The following SULT1C4 variants were observed in gnomAD, a reference collection of about 807,000 sequenced individuals.
SULT1C4 encodes sulfotransferase family 1C member 4.
A neutral mutation model predicts 34.8 loss-of-function variants in SULT1C4; 32 were observed. That is an observed-to-expected ratio of 0.92 (90% CI 0.69 to 1.23). SULT1C4 has a LOEUF of 1.23. SULT1C4 is among the 50% of genes most tolerant of loss of function. The pLI is 0.00. For missense variants in SULT1C4, 375 were observed against 365.9 expected (o/e 1.02, Z -0.20); for synonymous variants, 111 against 120.5 (o/e 0.92, Z 0.51).
intron 5 of SULT1C4, 33 bp from the exon 6 acceptor site, chr2:108,386,159 A>T: frequency 1.4e-6 from 2 of 1,397,444 alleles, no homozygotes; most frequent in Non-Finnish European, 1.9e-6. Context: ...TAATTCTATT[A>T]AATCATTACT....
intron 5 of SULT1C4, among the ~76,000 whole-genome samples, chr2:108,383,747 T>C (rs189554978): frequency 6.6e-6 from 1 of 152,354 alleles, no homozygotes; most frequent in East Asian, 1.9e-4. Flanking sequence ...TACAGGCAGG[T>C]TATTACACAA....
rs1678454484 is a variant in SULT1C4, at chr2:108,383,006, G to A, written c.394-87G>A. 3 of 1,371,306 alleles carry A rather than the reference G, an allele frequency of 2.2e-6. No individual in the cohort carries two copies. In the African/African-American group the frequency reaches 4.5e-5, roughly 21 times the overall value. The allele number at this position is 1,371,306 out of a possible 1,614,324, so 84.9% of individuals were successfully genotyped here. ...GTATGAAATGTATCTACCCTAACAT[G>A]ACTTGCCTGGGCAGTAACAGCAAAA... On this transcript the variant is annotated intron_variant, in intron 3 of 6. Coordinates refer to ENST00000272452, the MANE Select transcript of SULT1C4 (RefSeq NM_006588.4).
Position 108,386,180 on chromosome 2 carries a change from C to T in SULT1C4, c.616-12C>T. ...TATTAAATCATTACTTTTCTTTTGACTCTGATCATAGAACCCAAAGCATGA... is the reference window on the plus strand; with the variant it reads ...TATTAAATCATTACTTTTCTTTTGATTCTGATCATAGAACCCAAAGCATGA... On this transcript the variant is annotated splice_polypyrimidine_tract_variant and intron_variant, in intron 5 of 6. Coordinates refer to ENST00000272452, the MANE Select transcript of SULT1C4 (RefSeq NM_006588.4). The T allele has an allele frequency of 1.4e-6, 2 of 1,438,578 alleles. No individual in the cohort carries two copies. Among genetic ancestry groups the T allele is most frequent in the South Asian group, 1.7e-5 (1 of 58,600 alleles). 89.1% of individuals were successfully genotyped at this position (1,438,578 alleles called of 1,614,324 possible).
At chr2:108,384,206 T>C (rs1678508757) in intron 5 of SULT1C4, among the ~76,000 whole-genome samples, 1 of 148,654 alleles carries the variant, frequency 6.7e-6, no homozygotes, top group African/African-American at 2.5e-5. Context: ...ACATAATACT[T>C]TATTTATTTA....
At chr2:108,378,949 T>C (rs1678318766) in intron 1 of SULT1C4, among the ~76,000 whole-genome samples, 1 of 152,122 alleles carries the variant, frequency 6.6e-6, no homozygotes, top group Non-Finnish European at 1.5e-5. Flanking sequence ...CCCTCCCATC[T>C]CAGGGTCTGA....
In SULT1C4 at chr2:108,388,789, C is replaced by T. The variant is rs972166387; in HGVS notation, c.*1357C>T. 6.6e-6 allele frequency among the ~76,000 whole-genome samples: 1 copy of T among 152,134 alleles called. No homozygotes were observed. Among genetic ancestry groups the T allele is most frequent in the African/African-American group, 2.4e-5 (1 of 41,422 alleles). On this transcript the variant is annotated 3_prime_UTR_variant, in exon 7 of 7. Coordinates refer to ENST00000272452, the MANE Select transcript of SULT1C4 (RefSeq NM_006588.4). ...CACATCTTACCACTTCCTACCCTCC[C>T]AGTTTTATTTATACCAAGCCTCCTC... is the stretch of plus-strand genomic sequence containing the variant.
chr2:108,388,685 T>G lies in SULT1C4; in HGVS notation c.*1253T>G, dbSNP rs976962532. ...CAAGAGCAGCTATAACCATAATGAC[T>G]CCAGCCTTCACACTTCCAGCTTCAC... On this transcript the variant is annotated 3_prime_UTR_variant, in exon 7 of 7. Coordinates refer to ENST00000272452, the MANE Select transcript of SULT1C4 (RefSeq NM_006588.4). Among the ~76,000 whole-genome samples, 1 of 152,182 alleles carries G rather than the reference T, an allele frequency of 6.6e-6. No individual in the cohort carries two copies. The highest frequency in any genetic ancestry group is 1.5e-5 in the Non-Finnish European group (1 of 68,022).
chr2:108,386,528 C>T (rs13419621), intron 6 of SULT1C4, among the ~76,000 whole-genome samples, 156 bp downstream of exon 6: 1 of 152,148 alleles, frequency 6.6e-6, no homozygotes, highest in Non-Finnish European at 1.5e-5. Flanking sequence ...AAATGAAAAT[C>T]GCGTTTAATT....
rs1366207958 is a variant in SULT1C4, at chr2:108,382,396, G to A, written c.307G>A (p.Ala103Thr). The change falls in exon 3 of 7, where the codon GCT (alanine) becomes ACT (threonine). Residue 103 changes from alanine (A) to threonine (T), a missense_variant. By Grantham distance (58) the Ala-to-Thr change is moderately conservative. Transcript: ENST00000272452. ...IPSLGSGLEQ[A>T]HAMPSPRILK... ...AACCAGTTTTGCAGGTTTGGAACAA[G>A]CTCATGCAATGCCCTCACCACGGAT... The A allele has an allele frequency of 2.5e-6, 4 of 1,613,692 alleles. No homozygotes were observed. The South Asian group carries it at 3.3e-5, about 13-fold the overall frequency.
intron 6 of SULT1C4, 54 bp downstream of exon 6, chr2:108,386,426 A>G (rs1678571966): frequency 3.9e-6 from 5 of 1,283,268 alleles, no homozygotes; most frequent in Non-Finnish European, 5.1e-6. Context: ...AATATTTTAA[A>G]GCATTTGAGG....
chr2:108,379,452 T>C (rs1315016697), intron 1 of SULT1C4, among the ~76,000 whole-genome samples: 1 of 152,186 alleles, frequency 6.6e-6, no homozygotes, highest in Non-Finnish European at 1.5e-5. Context: ...TGAATGTAAA[T>C]TTCTAAAAGT....
At position 108,383,434 on chromosome 2, in the gene SULT1C4, A is replaced by G. The variant is rs749413902; in HGVS notation, c.539A>G (p.His180Arg). The change falls in exon 5 of 7, where the codon CAT becomes CGT. Residue 180 changes from histidine (H) to arginine (R), a missense_variant. Transcript: ENST00000272452. Reference sequence around the variant, plus strand: ...CCTCCAGTGTGCTGGGGCTCCTGGCATGAACATGTGAAAGGATGGTGGGAA... The same window carrying G: ...CCTCCAGTGTGCTGGGGCTCCTGGCGTGAACATGTGAAAGGATGGTGGGAA... The part of the protein sequence containing the change: ...LAGKVCWGSW[H>R]EHVKGWWEAK... The G allele has an allele frequency of 6.2e-7, 1 of 1,614,184 alleles. No homozygotes were observed. Among genetic ancestry groups the G allele is most frequent in the South Asian group, 1.1e-5 (1 of 91,080 alleles).
Position 108,383,143 on chromosome 2 carries a change from T to C in SULT1C4, c.444T>C (p.His148=), listed in dbSNP as rs1302262386. 7 of 1,613,298 alleles carry C rather than the reference T, an allele frequency of 4.3e-6. No individual in the cohort carries two copies. The highest frequency in any genetic ancestry group is 5.9e-6 in the Non-Finnish European group (7 of 1,179,808). The change falls in exon 4 of 7, where the codon CAT becomes CAC. Residue 148 remains histidine (H), a synonymous_variant. Coordinates refer to ENST00000272452, the MANE Select transcript of SULT1C4 (RefSeq NM_006588.4). ...NPKDNMVSYY[H]FQRMNKALPA... is the part of the protein sequence containing the mutation. ...AGGACAACATGGTGTCCTATTACCA[T>C]TTCCAAAGAATGAATAAAGCTCTTC...
chr2:108,378,647 C>T, intron 1 of SULT1C4, 141 bp downstream of exon 1: 1 of 882,862 alleles, frequency 1.1e-6, no homozygotes, highest in Non-Finnish European at 1.7e-6. Flanking sequence ...CTAGTGGAAA[C>T]TGAAGCTATA....
chr2:108,381,407 C>T (rs921400048), intron 1 of SULT1C4, among the ~76,000 whole-genome samples: 20 of 152,034 alleles, frequency 1.3e-4, no homozygotes, highest in Admixed American at 1.2e-3. Context: ...GAGGCCGAGG[C>T]GAGCAGATCA....
chr2:108,382,464 G>C lies in SULT1C4; in HGVS notation c.375G>C (p.Leu125Phe), dbSNP rs746672220. The change falls in exon 3 of 7, where the codon TTG (leucine) becomes TTC (phenylalanine). Residue 125 changes from leucine (L) to phenylalanine (F), a missense_variant. Physicochemically the swap from Leu to Phe is conservative, Grantham distance 22. Transcript: ENST00000272452. ...HLPFHLLPPS[L>F]LEKNCKIIYV... ...CCTTTCACTTGCTGCCACCATCCTT[G>C]CTAGAGAAAAACTGTAAGGTAAAAA... 23 of 1,613,894 alleles carry C rather than the reference G, an allele frequency of 1.4e-5. No individual in the cohort carries two copies. The highest frequency in any genetic ancestry group is 3.3e-4 in the Middle Eastern group (2 of 6,082).
chr2:108,385,719 G>A (rs1678549610), intron 5 of SULT1C4, among the ~76,000 whole-genome samples: 1 of 152,092 alleles, frequency 6.6e-6, no homozygotes, highest in South Asian at 2.1e-4. Context: ...CACTAGCCAT[G>A]AGTGCCTCTT....
chr2:108,386,130 C>A, intron 5 of SULT1C4, 62 bp from the exon 6 acceptor site: 1 of 1,250,240 alleles, frequency 8.0e-7, no homozygotes, highest in South Asian at 2.8e-5. Flanking sequence ...ATTAATCCAT[C>A]ATAATATTCT....
intron 1 of SULT1C4, 49 bp downstream of exon 1, chr2:108,378,555 T>A: frequency 6.3e-7 from 1 of 1,581,842 alleles, no homozygotes; most frequent in South Asian, 1.1e-5. Flanking sequence ...GTTAGGAAGG[T>A]AAGTGGAAGT....
Sources: allele counts gnomAD v4.1 joint callset (sites outside exome capture counted in the v4.1 genomes callset), GRCh38; gene constraint gnomAD v4.1.1; transcripts MANE v1.5; gene names NCBI Gene and HGNC (gene_info 2026-07-23, HGNC 2026-07-21).